Variants in SUPT3H observed in about 807,000 individuals in gnomAD.
SUPT3H encodes the protein transcription initiation protein SPT3 homolog.
Under a neutral mutation model 44.3 loss-of-function variants are expected in SUPT3H, and 44 were observed. The ratio of observed to expected loss-of-function variants is 0.99; its 90% CI spans 0.78 to 1.28. The LOEUF is 1.28. SUPT3H is among the 50% of genes most tolerant of loss of function. The pLI, the probability that SUPT3H is intolerant of heterozygous loss-of-function variation, is 0.00. For missense variants in SUPT3H, 380 were observed against 387.1 expected, an observed-to-expected ratio of 0.98 and a Z score of 0.15; for synonymous variants, 124 against 125.6, an observed-to-expected ratio of 0.99 and a Z score of 0.09.
intron 6 of SUPT3H, among the ~76,000 whole-genome samples, chr6:44,968,821 C>A (rs1357728707): frequency 6.6e-6 from 1 of 152,144 alleles, no homozygotes; most frequent in African/African-American, 2.4e-5. Context: ...CTAAGCACTG[C>A]ATCAAATTTA....
intron 2 of SUPT3H, among the ~76,000 whole-genome samples, chr6:45,317,941 T>C (rs1328814093): frequency 6.6e-6 from 1 of 151,962 alleles, no homozygotes; most frequent in Non-Finnish European, 1.5e-5. Flanking sequence ...AAACCATACA[T>C]CTGCAAAGGG....
At chr6:45,110,610 C>G (rs191992166) in intron 2 of SUPT3H, among the ~76,000 whole-genome samples, 1 of 151,706 alleles carries the variant, frequency 6.6e-6, no homozygotes, top group African/African-American at 2.4e-5. Context: ...AATGAAGGAG[C>G]TTTACTATCT....
At chr6:45,299,335 C>CAAAA (rs10657198) in intron 2 of SUPT3H, among the ~76,000 whole-genome samples, 4 of 138,296 alleles carry the variant, frequency 2.9e-5, no homozygotes, top group Admixed American at 7.3e-5. Flanking sequence ...GACTCTGCCT[C>CAAAA]AAAAAAAAAA....
intron 2 of SUPT3H, among the ~76,000 whole-genome samples, chr6:45,361,205 T>A (rs1002191071): frequency 9.2e-5 from 14 of 152,176 alleles, no homozygotes; most frequent in Admixed American, 8.5e-4. Flanking sequence ...AAAATTTTTT[T>A]AATTTGTGGA....
chr6:45,051,394 A>C (rs571970287), intron 3 of SUPT3H, among the ~76,000 whole-genome samples: 3 of 152,292 alleles, frequency 2.0e-5, no homozygotes, highest in African/African-American at 7.2e-5. Context: ...GATAGGAAAT[A>C]ACTTGTTAGA....
intron 10 of SUPT3H, among the ~76,000 whole-genome samples, chr6:44,890,731 A>C (rs945225738): frequency 6.6e-6 from 1 of 151,012 alleles, no homozygotes; most frequent in Admixed American, 6.7e-5. Context: ...CACATTGTGC[A>C]CATGTACCCT....
rs57157400 is a variant in SUPT3H at position 45,003,706 on chromosome 6, A to G, written c.451T>C (p.Leu151=). The change falls in exon 6 of 11, where the codon TTA becomes CTA. Residue 151 remains leucine, a synonymous_variant. Coordinates refer to ENST00000371459, the MANE Select transcript of SUPT3H (RefSeq NM_003599.4). ...LNSIDQTGEL[L]AMFEDDEIDE... ...ATTTCGTCATCTTCAAACATTGCTA[A>G]AAGTTCTCCTGTCTGGTCAATAGAG... is the stretch of plus-strand genomic sequence containing the variant. The G allele has an allele frequency of 6.2e-7, 1 of 1,613,864 alleles. No individual in the cohort carries two copies. The highest frequency in any genetic ancestry group is 1.3e-5 in the African/African-American group (1 of 75,034).
chr6:44,934,197 C>G (rs1365853563), intron 9 of SUPT3H, among the ~76,000 whole-genome samples: 1 of 152,016 alleles, frequency 6.6e-6, no homozygotes. Context: ...AGATAGCAAC[C>G]TCTATGGATA....
At chr6:45,041,313 G>A (rs1197680320) in intron 3 of SUPT3H, among the ~76,000 whole-genome samples, 1 of 152,182 alleles carries the variant, frequency 6.6e-6, no homozygotes, top group African/African-American at 2.4e-5. Context: ...TGACCTTTTA[G>A]CTGAGACTTA....
At chr6:45,168,721 T>C (rs1224609314) in intron 2 of SUPT3H, among the ~76,000 whole-genome samples, 6 of 152,256 alleles carry the variant, frequency 3.9e-5, no homozygotes, top group Admixed American at 1.3e-4. Flanking sequence ...ATTCTGGTTG[T>C]TTCCAGGTAA....
chr6:45,343,774 G>T (rs1185141460), intron 2 of SUPT3H, among the ~76,000 whole-genome samples: 1 of 152,162 alleles, frequency 6.6e-6, no homozygotes, highest in Admixed American at 6.5e-5. Flanking sequence ...TAGCTCTGAT[G>T]TAACACAGAA....
intron 2 of SUPT3H, among the ~76,000 whole-genome samples, chr6:45,209,382 T>C (rs79350934): frequency 2.0e-5 from 3 of 152,268 alleles, no homozygotes; most frequent in African/African-American, 4.8e-5. Flanking sequence ...TTGTGATTCA[T>C]GGGAGAAGGT....
rs1328626862 is a variant in SUPT3H, at chr6:44,827,093, G to A, written c.*2723C>T. Reference sequence around the variant, plus strand: ...TTAAATCTAGGAAGCAGTATCAAGAGACGCTATTTATTTATTGGCTTATTT... The same window carrying A: ...TTAAATCTAGGAAGCAGTATCAAGAAACGCTATTTATTTATTGGCTTATTT... On this transcript the variant is annotated 3_prime_UTR_variant, in exon 11 of 11. Transcript: ENST00000371459. 3.3e-5 allele frequency among the ~76,000 whole-genome samples: 5 copies of A among 152,076 alleles called. No individual in the cohort carries two copies. Among genetic ancestry groups the A allele is most frequent in the Non-Finnish European group, 7.4e-5 (5 of 67,966 alleles).
chr6:45,021,527 A>G (rs1785135953), intron 3 of SUPT3H, among the ~76,000 whole-genome samples: 1 of 151,934 alleles, frequency 6.6e-6, no homozygotes, highest in Non-Finnish European at 1.5e-5. Flanking sequence ...CTTCTTCCAA[A>G]TTTGATCAAA....
intron 5 of SUPT3H, among the ~76,000 whole-genome samples, chr6:45,006,813 G>C (rs922870002): frequency 6.6e-6 from 1 of 152,038 alleles, no homozygotes; most frequent in Non-Finnish European, 1.5e-5. Flanking sequence ...AATTTCACCA[G>C]TATTTTAAGA....
chr6:45,031,485 C>T (rs889123541), intron 3 of SUPT3H, among the ~76,000 whole-genome samples: 3 of 151,990 alleles, frequency 2.0e-5, no homozygotes, highest in African/African-American at 7.2e-5. Flanking sequence ...TGATAGAGAA[C>T]GAATTGTTTC....
At chr6:45,325,117 T>G (rs1750594410) in intron 2 of SUPT3H, among the ~76,000 whole-genome samples, 1 of 151,906 alleles carries the variant, frequency 6.6e-6, no homozygotes, top group Non-Finnish European at 1.5e-5. Context: ...AAAACTTCCT[T>G]CGTAAAACCT....
chr6:44,886,417 T>C (rs1427415073), intron 10 of SUPT3H, among the ~76,000 whole-genome samples: 2 of 152,184 alleles, frequency 1.3e-5, no homozygotes, highest in Non-Finnish European at 2.9e-5. Context: ...ACAGCTGATC[T>C]CTCGCCAGAA....
rs73737821 is a variant in SUPT3H, at chr6:45,009,635, T to C, written c.364+5166A>G. Among the ~76,000 whole-genome samples the C allele has an allele frequency of 3.9e-3, 596 of 152,332 alleles. 7 individuals are homozygous for C. The highest frequency in any genetic ancestry group is 0.014 in the African/African-American group (566 of 41,578). The stretch of plus-strand genomic sequence containing the variant: ...TCAACTGATCCTAAATGCTCATTAC[T>C]GAACTCTCATTCCATTCCATTTCAT... On this transcript the variant is annotated intron_variant, in intron 5 of 10. Coordinates refer to ENST00000371459, the MANE Select transcript of SUPT3H (RefSeq NM_003599.4).
Sources: allele counts gnomAD v4.1 joint callset (sites outside exome capture counted in the v4.1 genomes callset), GRCh38; gene constraint gnomAD v4.1.1; transcripts MANE v1.5; gene names NCBI Gene and HGNC (gene_info 2026-07-23, HGNC 2026-07-21).